PHEX: variants seen among roughly 807,000 people sequenced by gnomAD.
PHEX encodes the protein phosphate-regulating neutral endopeptidase PHEX.
Under a neutral mutation model 68.0 loss-of-function variants are expected in PHEX, and 16 were observed. That is an observed-to-expected ratio of 0.24 (90% CI 0.16 to 0.36). PHEX has a LOEUF of 0.36. Ranked by LOEUF, PHEX falls within the 10% of genes least tolerant of loss-of-function variation. The pLI is 1.00. For synonymous variants in PHEX, 208 were observed against 205.1 expected (o/e 1.01, Z -0.12); for missense variants, 480 against 575.5 (o/e 0.83, Z 1.70).
chrX:22,120,189 C>T (rs1931429213), intron 11 of PHEX, among the ~76,000 whole-genome samples: 2 of 111,957 alleles, frequency 1.8e-5, no homozygotes, highest in Admixed American at 1.9e-4. Flanking sequence ...CCTGTTACTG[C>T]TGTTAGTGCC....
chrX:22,197,397 A>G (rs2147145705), intron 15 of PHEX, among the ~76,000 whole-genome samples: 1 of 111,377 alleles, frequency 9.0e-6, no homozygotes, highest in South Asian at 3.8e-4. Context: ...GCTGGGTCAT[A>G]AAAAACATTG....
At position 22,178,235 on chromosome X, in the gene PHEX, T is replaced by C. The variant is rs774001976; in HGVS notation, c.1483-38T>C. The C allele has an allele frequency of 3.2e-6, 3 of 938,864 alleles. No individual in the cohort carries two copies. In the East Asian group the frequency reaches 9.6e-5, roughly 30 times the overall value. 77.4% of individuals were successfully genotyped at this position (938,864 alleles called of 1,213,427 possible). ...ATTTTTTTAGAGCCATCTTTTATCTTTACTTAGAACAATGATGTTGTGGTT... is the reference window on the plus strand; with the variant it reads ...ATTTTTTTAGAGCCATCTTTTATCTCTACTTAGAACAATGATGTTGTGGTT... On this transcript the variant is annotated intron_variant, in intron 13 of 21. Coordinates refer to ENST00000379374, the MANE Select transcript of PHEX (RefSeq NM_000444.6).
chrX:22,196,414 C>T (rs1271232352), intron 15 of PHEX, among the ~76,000 whole-genome samples: 2 of 111,961 alleles, frequency 1.8e-5, no homozygotes, highest in Non-Finnish European at 3.8e-5. Context: ...GTCATAGTGT[C>T]TTTGTTGCAA....
intron 15 of PHEX, among the ~76,000 whole-genome samples, chrX:22,209,656 C>CCACTA (rs1427313427): frequency 2.8e-5 from 3 of 108,810 alleles, no homozygotes; most frequent in Non-Finnish European, 5.7e-5. Flanking sequence ...ACTAGTTAAA[C>CCACTA]GTCTCTCTCC....
chrX:22,220,430 T>C (rs1214402689), intron 17 of PHEX, among the ~76,000 whole-genome samples: 1 of 111,530 alleles, frequency 9.0e-6, no homozygotes, highest in African/African-American at 3.3e-5. Flanking sequence ...GGCTGACTTG[T>C]AGTTATCTGA....
In PHEX at chrX:22,249,017, A is replaced by C. The variant is rs1479405931; in HGVS notation, c.*1064A>C. 9.0e-6 allele frequency: 1 copy of C among 110,845 alleles called. No homozygotes were observed. Among genetic ancestry groups the C allele is most frequent in the Non-Finnish European group, 1.9e-5 (1 of 52,965 alleles). 9.1% of individuals were successfully genotyped at this position (110,845 alleles called of 1,213,427 possible). On this transcript the variant is annotated 3_prime_UTR_variant, in exon 22 of 22. Transcript: ENST00000379374. ...TAATGTTACCTCTCTTTAAAAAAAA[A>C]ACATTTTTGAAAAATTTCTTGACTG...
intron 12 of PHEX, among the ~76,000 whole-genome samples, chrX:22,166,948 A>T (rs1191712325): frequency 8.9e-6 from 1 of 111,811 alleles, no homozygotes; most frequent in Non-Finnish European, 1.9e-5. Context: ...AAATGACAGG[A>T]TTTTCTTCTT....
At chrX:22,088,827 T>G (rs1307700661) in intron 5 of PHEX, among the ~76,000 whole-genome samples, 1 of 111,996 alleles carries the variant, frequency 8.9e-6, no homozygotes, top group Non-Finnish European at 1.9e-5. Flanking sequence ...ATTTTTTCTT[T>G]TAAGGATTGT....
chrX:22,242,432 A>G (rs1386323403), intron 20 of PHEX, among the ~76,000 whole-genome samples: 2 of 111,677 alleles, frequency 1.8e-5, no homozygotes, highest in African/African-American at 3.3e-5. Flanking sequence ...GGCCAGGGCA[A>G]TCAGGCAAGA....
At chrX:22,133,473 G>T in intron 11 of PHEX, 50 bp from the exon 12 acceptor site, 1 of 1,027,435 alleles carries the variant, frequency 9.7e-7, no homozygotes, top group African/African-American at 1.8e-5. Context: ...AGAAAACCTC[G>T]ACTGAAGCTT....
intron 5 of PHEX, among the ~76,000 whole-genome samples, chrX:22,085,443 C>T (rs6528087): frequency 0.077 from 8,356 of 108,943 alleles, 508 homozygotes; most frequent in African/African-American, 0.2. Context: ...GGCATGGTGT[C>T]GGGTACCTGT....
chrX:22,126,266 G>T (rs1419314862), intron 11 of PHEX, among the ~76,000 whole-genome samples: 1 of 112,145 alleles, frequency 8.9e-6, no homozygotes, highest in Non-Finnish European at 1.9e-5. Context: ...TAAATGAAAA[G>T]ACAACAATTA....
At chrX:22,047,332 C>T in intron 3 of PHEX, 121 bp downstream of exon 3, 1 of 629,098 alleles carries the variant, frequency 1.6e-6, no homozygotes, top group South Asian at 2.5e-5. Context: ...AATTCATTTC[C>T]AAGAATTTTT....
intron 2 of PHEX, among the ~76,000 whole-genome samples, chrX:22,042,465 A>G (rs935917264): frequency 3.6e-5 from 4 of 112,032 alleles, no homozygotes; most frequent in African/African-American, 1.3e-4. Flanking sequence ...AACAGGTTTT[A>G]CTTATACTAG....
At chrX:22,146,103 C>A (rs1932683522) in intron 12 of PHEX, among the ~76,000 whole-genome samples, 1 of 112,112 alleles carries the variant, frequency 8.9e-6, no homozygotes, top group South Asian at 3.7e-4. Flanking sequence ...GCATCTTTGC[C>A]TCCTGGCACA....
intron 15 of PHEX, among the ~76,000 whole-genome samples, chrX:22,192,717 A>G (rs1417348814): frequency 1.8e-5 from 2 of 111,475 alleles, no homozygotes; most frequent in Non-Finnish European, 3.8e-5. Context: ...TCTTTATTCA[A>G]AGGCCAGGCC....
chrX:22,062,912 C>T (rs759492275), intron 3 of PHEX, among the ~76,000 whole-genome samples: 18 of 110,886 alleles, frequency 1.6e-4, no homozygotes, highest in Non-Finnish European at 3.2e-4. Context: ...AGGTGTGTGC[C>T]ACCATGCCTG....
intron 3 of PHEX, among the ~76,000 whole-genome samples, chrX:22,071,342 G>C (rs1194198308): frequency 8.9e-6 from 1 of 111,871 alleles, no homozygotes. Context: ...GTGAAAAAAA[G>C]AGATGGTGTT....
At chrX:22,229,571 G>A (rs1935635445) in intron 20 of PHEX, among the ~76,000 whole-genome samples, 1 of 112,215 alleles carries the variant, frequency 8.9e-6, no homozygotes, top group African/African-American at 3.2e-5. Context: ...CGTAGCCTTT[G>A]CCCACTTTTT....
Sources: allele counts gnomAD v4.1 joint callset (sites outside exome capture counted in the v4.1 genomes callset), GRCh38; gene constraint gnomAD v4.1.1; transcripts MANE v1.5; gene names NCBI Gene and HGNC (gene_info 2026-07-23, HGNC 2026-07-21).